The following MYO3B variants were observed in gnomAD, a reference collection of about 807,000 sequenced individuals.
MYO3B encodes myosin-IIIb.
A neutral mutation model predicts 174.6 loss-of-function variants in MYO3B; 156 were observed. The ratio of observed to expected loss-of-function variants is 0.89; its 90% CI spans 0.78 to 1.02. The LOEUF (loss-of-function observed/expected upper bound fraction) is 1.02. Ranked by LOEUF, MYO3B falls within the 50% of genes least tolerant of loss-of-function variation. MYO3B has a pLI of 0.00. For synonymous variants in MYO3B, 563 were observed against 569.1 expected (o/e 0.99, Z 0.15); for missense variants, 1,632 against 1,639.4 (o/e 1.00, Z 0.08).
chr2:170,548,132 AAAAG>A (rs1690658203), intron 32 of MYO3B, among the ~76,000 whole-genome samples: 3 of 150,978 alleles, frequency 2.0e-5, no homozygotes, highest in African/African-American at 7.3e-5. Flanking sequence ...AAAAAAAAAA[AAAAG>A]AATGTGAGGT....
chr2:170,237,240 C>T (rs988156149), intron 7 of MYO3B, among the ~76,000 whole-genome samples: 11 of 152,092 alleles, frequency 7.2e-5, no homozygotes, highest in African/African-American at 2.7e-4. Flanking sequence ...CTAAAAGCTG[C>T]ATTGTGTATA....
chr2:170,410,464 C>G (rs2094538300), intron 22 of MYO3B, among the ~76,000 whole-genome samples: 1 of 151,822 alleles, frequency 6.6e-6, no homozygotes, highest in Non-Finnish European at 1.5e-5. Context: ...ACCTGTAATC[C>G]CAGCTACTAG....
intron 3 of MYO3B, among the ~76,000 whole-genome samples, chr2:170,207,800 T>G (rs2092730089): frequency 6.6e-6 from 1 of 152,098 alleles, no homozygotes; most frequent in African/African-American, 2.4e-5. Context: ...AAGGCATCCC[T>G]GGTTCCCTTC....
intron 7 of MYO3B, among the ~76,000 whole-genome samples, chr2:170,288,205 G>T (rs2093570888): frequency 6.7e-6 from 1 of 148,150 alleles, no homozygotes; most frequent in Admixed American, 6.8e-5. Flanking sequence ...GTCTTTTTGG[G>T]GTCTTTTGTG....
Position 170,463,369 on chromosome 2 carries a change from T to G in MYO3B, c.2732T>G (p.Val911Gly), listed in dbSNP as rs758768308. The G allele has an allele frequency of 1.9e-6, 3 of 1,613,270 alleles. No homozygotes were observed. Among genetic ancestry groups the G allele is most frequent in the African/African-American group, 2.7e-5 (2 of 74,888 alleles). Residue 911 changes from valine (V) to glycine (G), a missense_variant and splice_region_variant, in exon 24 of 35, where the codon GTG becomes GGG. By Grantham distance (109) the Val-to-Gly change is moderately radical (BLOSUM62 -3). Transcript: ENST00000408978. Reference protein sequence around the residue: ...PPHFSAGKAKVDTLEVIRHPE... With the variant: ...PPHFSAGKAKGDTLEVIRHPE... ...ACTTGCCTCCACCTATGCTTCCAGGTGGACACTCTGGAGGTGATACGGCAT... is the reference window on the plus strand; with the variant it reads ...ACTTGCCTCCACCTATGCTTCCAGGGGGACACTCTGGAGGTGATACGGCAT...
intron 28 of MYO3B, among the ~76,000 whole-genome samples, chr2:170,504,699 TC>T (rs1218713549): frequency 6.6e-6 from 1 of 152,188 alleles, no homozygotes; most frequent in Non-Finnish European, 1.5e-5. Flanking sequence ...TATCGGGCCC[TC>T]CTCCAGGCAG....
In MYO3B at chr2:170,387,222, AATG is replaced by A. The variant is rs756537948; in HGVS notation, c.1495_1497del (p.Met499del). 1.9e-6 allele frequency: 3 copies of A among 1,613,996 alleles called. No homozygotes were observed. The highest frequency in any genetic ancestry group is 2.2e-5 in the South Asian group (2 of 91,086). ...CGAGCCGTTTTGGAAAATATCTGGA[AATG>A]ATGTTTACACCAACTGGAGTTGTGA... is the stretch of plus-strand genomic sequence containing the variant. On this transcript the variant is annotated inframe_deletion, in exon 14 of 35. Coordinates refer to ENST00000408978, the MANE Select transcript of MYO3B (RefSeq NM_138995.5).
chr2:170,382,915 A>G, intron 10 of MYO3B, 158 bp from the exon 11 acceptor site: 1 of 547,572 alleles, frequency 1.8e-6, no homozygotes. Context: ...GCATTGTTTT[A>G]ATGAATTGGG....
At chr2:170,501,001 T>C in intron 27 of MYO3B, among the ~76,000 whole-genome samples, 1 of 152,238 alleles carries the variant, frequency 6.6e-6, no homozygotes, top group East Asian at 1.9e-4. Flanking sequence ...TATGCTCTCA[T>C]AACCCAGAAT....
In MYO3B at chr2:170,514,990, T is replaced by A. The variant is rs2106125215; in HGVS notation, c.3440T>A (p.Val1147Asp). ...GCAGGTACGAGGGGAAGTGCCGAGG[T>A]TCAAGACTGCAGCGAGCCTGGTGAC... ...VAAGTRGSAE[V>D]QDCSEPGDHK... The change falls in exon 29 of 35, where the codon GTT becomes GAT. Residue 1147 changes from valine to aspartate, a missense_variant. Physicochemically the swap from Val to Asp is radical, Grantham distance 152. Coordinates refer to ENST00000408978, the MANE Select transcript of MYO3B (RefSeq NM_138995.5). 6.2e-7 allele frequency: 1 copy of A among 1,613,892 alleles called. No individual in the cohort carries two copies. Among genetic ancestry groups the A allele is most frequent in the East Asian group, 2.2e-5 (1 of 44,882 alleles).
In MYO3B at chr2:170,210,383, T is replaced by C. The variant is rs145848719; in HGVS notation, c.322-3996T>C. ...ACATTTCCATGCCTTCTTGTAATCT[T>C]TTACTAAAAACACATCTTACTGTTC... On this transcript the variant is annotated intron_variant, in intron 3 of 34. Transcript: ENST00000408978. 1.5e-3 allele frequency among the ~76,000 whole-genome samples: 221 copies of C among 152,342 alleles called. 2 individuals are homozygous for C. Among genetic ancestry groups the C allele is most frequent in the African/African-American group, 4.9e-3 (204 of 41,586 alleles).
rs185805107 is a variant in MYO3B at position 170,439,045 on chromosome 2, G to A, written c.2651-4922G>A. ...TAGCCATTTGTATGCCTTCTTTGGC[G>A]ATATGTGTAGTCAAGTCCATATTTA... On this transcript the variant is annotated intron_variant, in intron 22 of 34. Transcript: ENST00000408978. Among the ~76,000 whole-genome samples, 512 of 149,554 alleles carry A rather than the reference G, an allele frequency of 3.4e-3. 5 individuals are homozygous for A. The highest frequency in any genetic ancestry group is 0.012 in the African/African-American group (482 of 40,756).
At chr2:170,190,591 C>T (rs1006044141) in intron 1 of MYO3B, among the ~76,000 whole-genome samples, 3 of 152,140 alleles carry the variant, frequency 2.0e-5, no homozygotes, top group Non-Finnish European at 4.4e-5. Context: ...ACTCTTCCCT[C>T]CCCTTTGCAT....
chr2:170,356,615 G>T (rs2094123391), intron 8 of MYO3B, among the ~76,000 whole-genome samples: 1 of 151,852 alleles, frequency 6.6e-6, no homozygotes, highest in Non-Finnish European at 1.5e-5. Flanking sequence ...ACCCACCTCA[G>T]CCTCCCAAAG....
intron 22 of MYO3B, among the ~76,000 whole-genome samples, chr2:170,432,611 C>T (rs2094718955): frequency 6.7e-6 from 1 of 149,050 alleles, no homozygotes; most frequent in Non-Finnish European, 1.5e-5. Context: ...GAGTCTTGCT[C>T]TGTTGCCCAG....
chr2:170,244,250 C>G (rs1213883038), intron 7 of MYO3B, among the ~76,000 whole-genome samples: 3 of 152,092 alleles, frequency 2.0e-5, no homozygotes, highest in African/African-American at 7.2e-5. Flanking sequence ...ATTTTTTTGT[C>G]TGCAGATAAA....
intron 22 of MYO3B, among the ~76,000 whole-genome samples, chr2:170,432,735 C>A (rs918860334): frequency 6.6e-6 from 1 of 152,010 alleles, no homozygotes; most frequent in Admixed American, 6.6e-5. Context: ...TGCCACCATG[C>A]CCGGCTAATT....
Position 170,401,754 on chromosome 2 carries a change from G to C in MYO3B, c.2129+63G>C, listed in dbSNP as rs186237197. 23 of 1,393,654 alleles carry C rather than the reference G, an allele frequency of 1.7e-5. No homozygotes were observed. In the East Asian group the frequency reaches 5.4e-4, roughly 33 times the overall value. 86.3% of individuals were successfully genotyped at this position (1,393,654 alleles called of 1,614,324 possible). On this transcript the variant is annotated intron_variant, in intron 18 of 34. Transcript: ENST00000408978. Reference sequence around the variant, plus strand: ...GTCATTGACCCCGCCGTCTCTTAGAGTTTGCAAAAGGAAGCATTTGGTCCT... The same window carrying C: ...GTCATTGACCCCGCCGTCTCTTAGACTTTGCAAAAGGAAGCATTTGGTCCT...
At chr2:170,365,376 C>T (rs541484856) in intron 8 of MYO3B, among the ~76,000 whole-genome samples, 1 of 152,268 alleles carries the variant, frequency 6.6e-6, no homozygotes, top group African/African-American at 2.4e-5. Flanking sequence ...GTTTCTTGTG[C>T]TTCTCTTGTC....
Sources: allele counts gnomAD v4.1 joint callset (sites outside exome capture counted in the v4.1 genomes callset), GRCh38; gene constraint gnomAD v4.1.1; transcripts MANE v1.5; gene names NCBI Gene and HGNC (gene_info 2026-07-23, HGNC 2026-07-21).